The following TET3 variants were observed in gnomAD, a reference collection of about 807,000 sequenced individuals.
TET3 encodes the protein tet methylcytosine dioxygenase 3, also known as methylcytosine dioxygenase TET3.
Under a neutral mutation model 141.4 loss-of-function variants are expected in TET3, and 19 were observed. That is an observed-to-expected ratio of 0.13 (90% CI 0.09 to 0.20). The LOEUF (loss-of-function observed/expected upper bound fraction) is 0.20. Among genes scored for constraint, TET3 ranks in the 10% least tolerant of loss-of-function variants. TET3 has a pLI of 1.00. For missense variants in TET3, 1,874 were observed against 2,356.9 expected (o/e 0.80, Z 4.24); for synonymous variants, 1,043 against 980.9 (o/e 1.06, Z -1.18).
intron 3 of TET3, among the ~76,000 whole-genome samples, chr2:74,040,577 G>A (rs1160517754): frequency 2.0e-5 from 3 of 152,232 alleles, no homozygotes; most frequent in South Asian, 4.1e-4. Context: ...TGGTCTAGGG[G>A]TTGGAGCTAG....
chr2:74,127,362 C>A, the TET3 span, among the ~76,000 whole-genome samples: 1 of 152,156 alleles, frequency 6.6e-6, no homozygotes, highest in Non-Finnish European at 1.5e-5. Flanking sequence ...TTATTAATGG[C>A]TTTATTGACA....
chr2:74,038,442 T>C (rs1307639980), intron 3 of TET3, among the ~76,000 whole-genome samples: 1 of 151,994 alleles, frequency 6.6e-6, no homozygotes, highest in African/African-American at 2.4e-5. Context: ...GGAAGAAACC[T>C]GATGGGGTTG....
chr2:74,045,615 A>C (rs1018236285), intron 3 of TET3, among the ~76,000 whole-genome samples: 1 of 152,228 alleles, frequency 6.6e-6, no homozygotes, highest in Non-Finnish European at 1.5e-5. Flanking sequence ...CTGACCTGGC[A>C]TGGGGCTAAA....
At chr2:74,115,249 A>G in the TET3 span, among the ~76,000 whole-genome samples, 1 of 152,208 alleles carries the variant, frequency 6.6e-6, no homozygotes, top group Non-Finnish European at 1.5e-5. Flanking sequence ...GAACTCAAAC[A>G]TCTCAACAGC....
rs1424246646 is a variant in TET3 at position 74,093,103 on chromosome 2, C to T, written c.3129+112C>T. On this transcript the variant is annotated intron_variant, in intron 9 of 11. Coordinates refer to ENST00000409262, the MANE Select transcript of TET3 (RefSeq NM_001287491.2). This position sits in a 1 kb window ranked among gnomAD's most constrained non-coding sequence, Gnocchi z 4.2. ...TCTTTTACTCTCTTATGGGAAGAGC[C>T]TAGTCCAGAAGTAAAGCGATATGAT... is the stretch of plus-strand genomic sequence containing the variant. 2 of 1,003,792 alleles carry T rather than the reference C, an allele frequency of 2.0e-6. No individual in the cohort carries two copies. The highest frequency in any genetic ancestry group is 3.0e-6 in the Non-Finnish European group (2 of 670,728). The allele number at this position is 1,003,792 out of a possible 1,614,324, so 62.2% of individuals were successfully genotyped here. A position where few individuals can be genotyped will look rare whatever the true frequency, so the allele number is the denominator to read the frequency against.
chr2:74,008,867 G>A (rs947481243), intron 3 of TET3, among the ~76,000 whole-genome samples: 4 of 152,078 alleles, frequency 2.6e-5, no homozygotes, highest in African/African-American at 4.8e-5. Flanking sequence ...GGTTACCTCC[G>A]AGGCCTGGAA....
intron 6 of TET3, among the ~76,000 whole-genome samples, chr2:74,086,939 G>A (rs1277150003): frequency 1.3e-5 from 2 of 151,714 alleles, no homozygotes; most frequent in Non-Finnish European, 2.9e-5. Context: ...TCAACATCCT[G>A]TACTGAAACT....
downstream of TET3, among the ~76,000 whole-genome samples, chr2:74,111,355 T>C (rs148069216): frequency 3.1e-3 from 469 of 152,326 alleles, 5 homozygotes; most frequent in African/African-American, 8.6e-3. Flanking sequence ...GGTGGCTCTT[T>C]GGTAAGGTCA....
chr2:74,086,583 G>T (rs959488015), intron 6 of TET3, among the ~76,000 whole-genome samples: 2 of 151,992 alleles, frequency 1.3e-5, no homozygotes, highest in African/African-American at 2.4e-5. Flanking sequence ...AGCCCCAGCA[G>T]TTCAAGACCA....
At chr2:73,997,791 A>C (rs1487244045) in intron 2 of TET3, among the ~76,000 whole-genome samples, 1 of 152,122 alleles carries the variant, frequency 6.6e-6, no homozygotes, top group Non-Finnish European at 1.5e-5. Flanking sequence ...AAAGGTAGGC[A>C]CATTAACTCT....
At chr2:74,043,684 G>C (rs1029861799) in intron 3 of TET3, among the ~76,000 whole-genome samples, 1 of 152,178 alleles carries the variant, frequency 6.6e-6, no homozygotes, top group African/African-American at 2.4e-5. Context: ...TGTTAGAAAA[G>C]CATGAGGGTC....
At chr2:74,030,957 G>T (rs115129993) in intron 3 of TET3, among the ~76,000 whole-genome samples, 1 of 152,078 alleles carries the variant, frequency 6.6e-6, no homozygotes, top group African/African-American at 2.4e-5. Flanking sequence ...GGATCTTAAC[G>T]TGATTTTTTT....
intron 3 of TET3, among the ~76,000 whole-genome samples, chr2:74,013,455 G>C (rs1332611880): frequency 1.3e-5 from 2 of 152,052 alleles, no homozygotes; most frequent in Admixed American, 1.3e-4. Flanking sequence ...GACTGTGAAG[G>C]CTTTTCTTCT....
At chr2:74,118,110 T>C in the TET3 span, among the ~76,000 whole-genome samples, 1 of 152,252 alleles carries the variant, frequency 6.6e-6, no homozygotes, top group Non-Finnish European at 1.5e-5. Flanking sequence ...CCTGTGACGC[T>C]AATCATCTCC....
intron 4 of TET3, among the ~76,000 whole-genome samples, chr2:74,051,062 CTG>C (rs1687916942): frequency 1.3e-5 from 2 of 152,196 alleles, no homozygotes; most frequent in African/African-American, 4.8e-5. Context: ...GTTTTGAAAA[CTG>C]TGGTGAACAC....
At chr2:74,127,924 C>T in the TET3 span, among the ~76,000 whole-genome samples, 1 of 152,122 alleles carries the variant, frequency 6.6e-6, no homozygotes, top group Non-Finnish European at 1.5e-5. Flanking sequence ...AGAAAAAGTA[C>T]TGAAACAATT....
intron 4 of TET3, among the ~76,000 whole-genome samples, chr2:74,061,236 CG>C (rs1322672521): frequency 7.1e-6 from 1 of 140,122 alleles, no homozygotes; most frequent in Non-Finnish European, 1.6e-5. Flanking sequence ...GCTGGCCGGG[CG>C]GGGGGCTGAC....
At chr2:74,083,931 C>G (rs1553432737) in intron 6 of TET3, among the ~76,000 whole-genome samples, 3 of 152,172 alleles carry the variant, frequency 2.0e-5, no homozygotes, top group Non-Finnish European at 4.4e-5. Flanking sequence ...ACCCTAGTCA[C>G]AGAGACCATG....
At chr2:74,043,692 G>T (rs1687463916) in intron 3 of TET3, among the ~76,000 whole-genome samples, 1 of 152,158 alleles carries the variant, frequency 6.6e-6, no homozygotes, top group Non-Finnish European at 1.5e-5. Flanking sequence ...AAGCATGAGG[G>T]TCTTTTGTGG....
Sources: allele counts gnomAD v4.1 joint callset (sites outside exome capture counted in the v4.1 genomes callset), GRCh38; gene constraint gnomAD v4.1.1; non-coding constraint Gnocchi (gnomAD v3.1); transcripts MANE v1.5; gene names NCBI Gene and HGNC (gene_info 2026-07-23, HGNC 2026-07-21).